The following QKI variants were observed in gnomAD, a reference collection of about 807,000 sequenced individuals.
QKI encodes the protein QKI, KH domain containing RNA binding.
Under a neutral mutation model 39.0 loss-of-function variants are expected in QKI, and 10 were observed. The observed-to-expected ratio is 0.26, with a 90% CI of 0.16 to 0.43. The LOEUF (loss-of-function observed/expected upper bound fraction) is 0.43, where lower values mean the gene tolerates loss of function less well. Among genes scored for constraint, QKI ranks in the 20% least tolerant of loss-of-function variants. The pLI is 1.00. For missense variants in QKI, 218 were observed against 428.0 expected, an observed-to-expected ratio of 0.51 and a Z score of 4.33; for synonymous variants, 204 against 155.4, an observed-to-expected ratio of 1.31 and a Z score of -2.33.
rs892282793 is a variant in QKI, at chr6:163,482,268, A to G, written c.402+3372A>G. Among the ~76,000 whole-genome samples the G allele has an allele frequency of 3.9e-5, 6 of 152,204 alleles. No individual in the cohort carries two copies. In the South Asian group the frequency reaches 1.2e-3, roughly 32 times the overall value. ...TAATTATAAACCATTTCTAAGAGTG[A>G]TAACTTCAGACATACTAGAACAACT... On this transcript the variant is annotated intron_variant, in intron 3 of 7. Transcript: ENST00000361752.
At chr6:163,470,013 G>A (rs910599528) in intron 2 of QKI, among the ~76,000 whole-genome samples, 14 of 152,222 alleles carry the variant, frequency 9.2e-5, no homozygotes, top group Non-Finnish European at 2.1e-4. Flanking sequence ...GCAATTCCAG[G>A]AAAATAGGAT....
chr6:163,518,572 A>G (rs1225027203), intron 3 of QKI, among the ~76,000 whole-genome samples: 1 of 152,190 alleles, frequency 6.6e-6, no homozygotes, highest in Non-Finnish European at 1.5e-5. Context: ...TGAACATTTT[A>G]AGGAAGAGAG....
intron 1 of QKI, among the ~76,000 whole-genome samples, chr6:163,426,506 T>G (rs188834461): frequency 2.2e-4 from 33 of 152,250 alleles, no homozygotes; most frequent in East Asian, 3.9e-4. Context: ...AAGGTAGTTT[T>G]TTTTGTTTTG....
chr6:163,515,370 C>T (rs549432142), intron 3 of QKI, among the ~76,000 whole-genome samples: 7 of 151,878 alleles, frequency 4.6e-5, no homozygotes, highest in African/African-American at 1.7e-4. Flanking sequence ...CATTATGTGT[C>T]AGTTTCTTAA....
rs1454505838 is a variant in QKI at position 163,415,884 on chromosome 6, T to C, written c.142+549T>C. 5.9e-6 allele frequency: 3 copies of C among 511,618 alleles called. No homozygotes were observed. In the East Asian group the frequency reaches 1.7e-4, roughly 28 times the overall value. 31.7% of individuals were successfully genotyped at this position (511,618 alleles called of 1,614,324 possible). On this transcript the variant is annotated intron_variant, in intron 1 of 7. Transcript: ENST00000361752. ...TTGGGGAGTTGGTGCAGCTGTTCAA[T>C]ACTAAGTGGAAGTCAGTGTGGGGCT...
intron 3 of QKI, among the ~76,000 whole-genome samples, chr6:163,532,636 T>TG (rs1478950771): frequency 6.6e-6 from 1 of 152,190 alleles, no homozygotes; most frequent in Non-Finnish European, 1.5e-5. Context: ...CCCTTACCCG[T>TG]GGGGAATCCT....
intron 6 of QKI, chr6:163,564,067 T>C: frequency 9.2e-7 from 1 of 1,089,060 alleles, no homozygotes; most frequent in African/African-American, 1.6e-5. Context: ...CTTCTCAAAC[T>C]TTATTTGAGA....
chr6:163,415,913 T>G, intron 1 of QKI: 1 of 513,662 alleles, frequency 1.9e-6, no homozygotes, highest in Non-Finnish European at 3.9e-6. Context: ...TGGGGCTCGT[T>G]AGTTTAAAGA....
At chr6:163,509,092 T>C (rs1230953433) in intron 3 of QKI, among the ~76,000 whole-genome samples, 2 of 152,090 alleles carry the variant, frequency 1.3e-5, no homozygotes, top group Non-Finnish European at 2.9e-5. Context: ...GAGCCAAGAT[T>C]GTGCCACTGC....
chr6:163,505,591 T>TG lies in QKI; in HGVS notation c.402+26696dup, dbSNP rs200800130. The stretch of plus-strand genomic sequence containing the variant: ...TGACTGCCTACCCGGGTTTTGGACT[T>TG]GCATAGGGCTTGTGGCCCCTTTGTT... On this transcript the variant is annotated intron_variant, in intron 3 of 7. Transcript: ENST00000361752. Among the ~76,000 whole-genome samples, 548 of 152,286 alleles carry TG rather than the reference T, an allele frequency of 3.6e-3. 2 individuals carry two copies. The highest frequency in any genetic ancestry group is 0.013 in the African/African-American group (528 of 41,570).
chr6:163,559,793 C>T (rs1401082614), intron 4 of QKI, among the ~76,000 whole-genome samples: 1 of 152,166 alleles, frequency 6.6e-6, no homozygotes, highest in Non-Finnish European at 1.5e-5. Flanking sequence ...TTTTGTGTGT[C>T]ATTACAGCTA....
At position 163,546,434 on chromosome 6, in the gene QKI, CAT is replaced by C. The variant is rs552603114; in HGVS notation, c.546+11312_546+11313del. Among the ~76,000 whole-genome samples the C allele has an allele frequency of 9.2e-5, 14 of 151,954 alleles. No homozygotes were observed. In the South Asian group the frequency reaches 2.7e-3, roughly 29 times the overall value. ...TATTTAATGTGCCTGTGTTTTAACTCATATTTAATTTTTCTTTACCACATTTC... is the reference window on the plus strand; with the variant it reads ...TATTTAATGTGCCTGTGTTTTAACTCATTTAATTTTTCTTTACCACATTTC... On this transcript the variant is annotated intron_variant, in intron 4 of 7. Coordinates refer to ENST00000361752, the MANE Select transcript of QKI (RefSeq NM_006775.3).
At chr6:163,458,566 C>A (rs1047811689) in intron 2 of QKI, among the ~76,000 whole-genome samples, 1 of 152,138 alleles carries the variant, frequency 6.6e-6, no homozygotes, top group Non-Finnish European at 1.5e-5. Flanking sequence ...GCACATAGCA[C>A]CTTACTTACA....
At chr6:163,555,276 G>T (rs1452800008) in intron 4 of QKI, among the ~76,000 whole-genome samples, 6 of 152,052 alleles carry the variant, frequency 3.9e-5, no homozygotes, top group Admixed American at 3.3e-4. Context: ...TACAATTCAT[G>T]ATAAATTTCT....
chr6:163,431,401 G>A, intron 1 of QKI, among the ~76,000 whole-genome samples: 1 of 152,174 alleles, frequency 6.6e-6, no homozygotes, highest in Non-Finnish European at 1.5e-5. Context: ...AATTAACATA[G>A]AATCCTGCCA....
chr6:163,515,910 G>T (rs1306572126), intron 3 of QKI, among the ~76,000 whole-genome samples: 2 of 151,848 alleles, frequency 1.3e-5, no homozygotes, highest in African/African-American at 4.8e-5. Context: ...ATCTCAAATC[G>T]GTCACCTCTT....
intron 3 of QKI, among the ~76,000 whole-genome samples, chr6:163,495,003 C>T (rs1778316877): frequency 6.6e-6 from 1 of 151,930 alleles, no homozygotes; most frequent in Non-Finnish European, 1.5e-5. Context: ...TTAACCTCTG[C>T]CTCCTGGGTT....
chr6:163,415,118 G>C lies in QKI; in HGVS notation c.-76G>C. 9.0e-7 allele frequency: 1 copy of C among 1,113,232 alleles called. No homozygotes were observed. Among genetic ancestry groups the C allele is most frequent in the Non-Finnish European group, 1.1e-6 (1 of 905,794 alleles). The allele number at this position is 1,113,232 out of a possible 1,614,324, so 69.0% of individuals were successfully genotyped here. A position where few individuals can be genotyped will look rare whatever the true frequency, so the allele number is the denominator to read the frequency against. On this transcript the variant is annotated 5_prime_UTR_variant, in exon 1 of 8. Coordinates refer to ENST00000361752, the MANE Select transcript of QKI (RefSeq NM_006775.3). ...GGGTCCCGAGCGGCCCGCGGCCGGG[G>C]CTCGCCCCCGCCCCTCCCTCCTCTC...
chr6:163,518,870 TA>T (rs1779985583), intron 3 of QKI, among the ~76,000 whole-genome samples: 1 of 152,212 alleles, frequency 6.6e-6, no homozygotes, highest in Non-Finnish European at 1.5e-5. Context: ...GTCAATTTTG[TA>T]TTTTGGCAAG....
Sources: allele counts gnomAD v4.1 joint callset (sites outside exome capture counted in the v4.1 genomes callset), GRCh38; gene constraint gnomAD v4.1.1; transcripts MANE v1.5; gene names NCBI Gene and HGNC (gene_info 2026-07-23, HGNC 2026-07-21).